NPAS2: variants seen among roughly 807,000 people sequenced by gnomAD.
NPAS2 encodes the protein neuronal PAS domain protein 2.
A neutral mutation model predicts 107.5 loss-of-function variants in NPAS2; 23 were observed. The observed-to-expected ratio is 0.21, with a 90% CI of 0.15 to 0.30. The LOEUF is 0.30. Ranked by LOEUF, NPAS2 falls within the 10% of genes least tolerant of loss-of-function variation. NPAS2 has a pLI of 1.00. For missense variants in NPAS2, 756 were observed against 1,043.3 expected (o/e 0.72, Z 3.79); for synonymous variants, 403 against 417.5 (o/e 0.97, Z 0.42).
chr2:100,951,551 T>C (rs1231515837), intron 7 of NPAS2, among the ~76,000 whole-genome samples: 2 of 152,236 alleles, frequency 1.3e-5, no homozygotes, highest in African/African-American at 2.4e-5. Flanking sequence ...AGAACTTTGA[T>C]GACATTATGC....
chr2:100,993,244 A>T, intron 19 of NPAS2, 103 bp from the exon 20 acceptor site: 1 of 1,211,212 alleles, frequency 8.3e-7, no homozygotes, highest in Non-Finnish European at 1.1e-6. Context: ...AAAGTTTCTT[A>T]TGAAGTCCAA....
intron 1 of NPAS2, among the ~76,000 whole-genome samples, chr2:100,833,574 A>G (rs1676874523): frequency 6.6e-6 from 1 of 152,242 alleles, no homozygotes; most frequent in Admixed American, 6.5e-5. Context: ...TCTAGAAGCC[A>G]AACACTCAGA....
intron 1 of NPAS2, among the ~76,000 whole-genome samples, chr2:100,826,819 C>A (rs540785956): frequency 6.6e-6 from 1 of 152,276 alleles, no homozygotes; most frequent in Non-Finnish European, 1.5e-5. Flanking sequence ...GTGTGTAAGG[C>A]CGCCTTGTCT....
chr2:100,891,992 G>T (rs975330470), intron 1 of NPAS2, among the ~76,000 whole-genome samples: 1 of 152,134 alleles, frequency 6.6e-6, no homozygotes, highest in African/African-American at 2.4e-5. Flanking sequence ...AGCATGACTC[G>T]TAAATCTCCT....
chr2:100,841,298 C>T (rs1677380611), intron 1 of NPAS2, among the ~76,000 whole-genome samples: 1 of 152,142 alleles, frequency 6.6e-6, no homozygotes, highest in Non-Finnish European at 1.5e-5. Context: ...ATTAGCCAGG[C>T]ATGGTGGCAG....
chr2:100,982,988 T>G (rs895349560), intron 16 of NPAS2: 1 of 152,690 alleles, frequency 6.5e-6, no homozygotes, highest in Admixed American at 6.5e-5. Flanking sequence ...TGTTTTGTTT[T>G]TTGTTTTGTT....
At chr2:100,874,407 C>A (rs1308239709) in intron 1 of NPAS2, among the ~76,000 whole-genome samples, 1 of 152,048 alleles carries the variant, frequency 6.6e-6, no homozygotes, top group African/African-American at 2.4e-5. Flanking sequence ...TCTGCTTTAC[C>A]CAAGAAGCTG....
chr2:100,820,984 C>T lies in NPAS2; in HGVS notation c.-23+570C>T, dbSNP rs143716208. The T allele has an allele frequency of 1.3e-3, 1,684 of 1,257,912 alleles. 18 individuals are homozygous for T. In the African/African-American group the frequency reaches 0.024, roughly 18 times the overall value. 77.9% of individuals were successfully genotyped at this position (1,257,912 alleles called of 1,614,324 possible). A position where few individuals can be genotyped will look rare whatever the true frequency, so the allele number is the denominator to read the frequency against. ...CAGCGTGCAGCCTGGCTCCTCACGT[C>T]GCTGCCGCCCCCCCACCCCAACTCC... On this transcript the variant is annotated intron_variant, in intron 1 of 20. Coordinates refer to ENST00000335681, the MANE Select transcript of NPAS2 (RefSeq NM_002518.4). This position sits in a 1 kb window ranked among gnomAD's most constrained non-coding sequence, Gnocchi z 5.6.
At position 100,925,301 on chromosome 2, in the gene NPAS2, G is replaced by A. The variant is rs765251613; in HGVS notation, c.181+7G>A. ...TTTTTGCAGAAACACAATGGTAAAG[G>A]TCACCCTTCTCTCTGTTTTTTTTCC... On this transcript the variant is annotated splice_region_variant and intron_variant, in intron 3 of 20. Coordinates refer to ENST00000335681, the MANE Select transcript of NPAS2 (RefSeq NM_002518.4). 1 of 1,613,560 alleles carries A rather than the reference G, an allele frequency of 6.2e-7. No individual in the cohort carries two copies. Among genetic ancestry groups the A allele is most frequent in the African/African-American group, 1.3e-5 (1 of 74,902 alleles).
At chr2:100,975,017 G>T in intron 13 of NPAS2, 73 bp downstream of exon 13, 2 of 1,535,934 alleles carry the variant, frequency 1.3e-6, no homozygotes, top group East Asian at 2.3e-5. Context: ...AGAGGGTCCC[G>T]GGCCCAAGTG....
intron 1 of NPAS2, chr2:100,821,011 G>C: frequency 7.8e-7 from 1 of 1,287,060 alleles, no homozygotes; most frequent in Non-Finnish European, 1.0e-6. Flanking sequence ...CCCAACTCCG[G>C]AGCTCCCCAG....
In NPAS2 at chr2:100,941,687, G is replaced by T. The variant is rs6709344; in HGVS notation, c.363+3845G>T. Among the ~76,000 whole-genome samples the T allele has an allele frequency of 1.7e-3, 264 of 152,320 alleles. 1 individual carries two copies. The highest frequency in any genetic ancestry group is 5.9e-3 in the African/African-American group (247 of 41,574). Reference sequence around the variant, plus strand: ...GACGTGCATACAATGGAGGCCAAGGGCTCACGGGAGCCTCTGGAATGAAAA... The same window carrying T: ...GACGTGCATACAATGGAGGCCAAGGTCTCACGGGAGCCTCTGGAATGAAAA... On this transcript the variant is annotated intron_variant, in intron 5 of 20. Coordinates refer to ENST00000335681, the MANE Select transcript of NPAS2 (RefSeq NM_002518.4).
intron 3 of NPAS2, among the ~76,000 whole-genome samples, chr2:100,928,900 T>C (rs556247172): frequency 1.5e-4 from 23 of 152,258 alleles, no homozygotes; most frequent in African/African-American, 5.5e-4. Context: ...GAGCTCCTCT[T>C]CATGGCAGCA....
Position 100,968,188 on chromosome 2 carries a change from T to C in NPAS2, c.908-93T>C, listed in dbSNP as rs1676342445. 4 of 1,394,176 alleles carry C rather than the reference T, an allele frequency of 2.9e-6. No individual in the cohort carries two copies. The South Asian group carries it at 3.9e-5, about 14-fold the overall frequency. The allele number at this position is 1,394,176 out of a possible 1,614,324, so 86.4% of individuals were successfully genotyped here. The stretch of plus-strand genomic sequence containing the variant: ...ACAAGCCATGTTTGGTATTGTCTTT[T>C]TTTTTGAAAGCTTATCTTTACAATA... On this transcript the variant is annotated intron_variant, in intron 10 of 20. Transcript: ENST00000335681. The surrounding 1 kb of genome is among the most constrained non-coding windows in gnomAD (Gnocchi z 5.3).
At chr2:100,842,011 T>C (rs183868300) in intron 1 of NPAS2, among the ~76,000 whole-genome samples, 1 of 151,948 alleles carries the variant, frequency 6.6e-6, no homozygotes, top group Admixed American at 6.6e-5. Flanking sequence ...AGTACACATA[T>C]ACACACATGC....
intron 1 of NPAS2, among the ~76,000 whole-genome samples, chr2:100,859,452 A>G (rs1426975046): frequency 6.6e-6 from 1 of 152,182 alleles, no homozygotes; most frequent in Non-Finnish European, 1.5e-5. Flanking sequence ...ATGGGCATTA[A>G]ATGGATAATC....
chr2:100,961,294 C>G (rs190021034), intron 7 of NPAS2, among the ~76,000 whole-genome samples: 202 of 152,270 alleles, frequency 1.3e-3, no homozygotes, highest in Non-Finnish European at 2.1e-3. Flanking sequence ...CAAGAAGACT[C>G]GTGCTGCAGG....
intron 1 of NPAS2, among the ~76,000 whole-genome samples, chr2:100,825,698 G>A (rs1448874221): frequency 6.6e-6 from 1 of 152,134 alleles, no homozygotes; most frequent in African/African-American, 2.4e-5. Flanking sequence ...CCCTGTTCTA[G>A]CCAATAAAAT....
chr2:100,848,682 A>G (rs888316296), intron 1 of NPAS2, among the ~76,000 whole-genome samples: 2 of 152,254 alleles, frequency 1.3e-5, no homozygotes, highest in Non-Finnish European at 2.9e-5. Flanking sequence ...GCACAGTTCA[A>G]CAATACAGAG....
Sources: gnomAD v4.1 joint callset for allele counts (sites outside exome capture counted in the v4.1 genomes callset) on GRCh38, gnomAD v4.1.1 for gene constraint, Gnocchi (gnomAD v3.1) non-coding constraint, MANE v1.5 for transcripts, NCBI Gene and HGNC (gene_info 2026-07-23, HGNC 2026-07-21) for gene names.